Variants in MYOM3 observed in about 807,000 individuals in gnomAD.
The protein encoded by MYOM3 is myomesin-3.
In MYOM3, 155 loss-of-function variants were observed where a neutral mutation model predicts 191.7. That is an observed-to-expected ratio of 0.81 (90% confidence interval 0.71 to 0.92). MYOM3 has a LOEUF of 0.92. Among genes scored for constraint, MYOM3 ranks in the 40% least tolerant of loss-of-function variants. The pLI, the probability that MYOM3 is intolerant of heterozygous loss-of-function variation, is 0.00. For missense variants in MYOM3, 1,889 were observed against 1,890.6 expected (o/e 1.00, Z 0.02); for synonymous variants, 757 against 762.9 (o/e 0.99, Z 0.13).
chr1:24,067,341 T>TTTCC (rs1553155383), intron 27 of MYOM3, among the ~76,000 whole-genome samples: 271 of 77,886 alleles, frequency 3.5e-3, no homozygotes, highest in Middle Eastern at 0.012. Flanking sequence ...TCTTTCTTTC[T>TTTCC]TTCTTTCTTT....
chr1:24,061,579 T>C, intron 33 of MYOM3, among the ~76,000 whole-genome samples: 1 of 152,250 alleles, frequency 6.6e-6, no homozygotes, highest in Middle Eastern at 3.4e-3. Context: ...TAACCTTTAT[T>C]ATTATTCTTT....
Position 24,084,586 on chromosome 1 carries a change from CAG to C in MYOM3, c.1850_1851del (p.Ser617CysfsTer27). 1 of 1,614,050 alleles carries C rather than the reference CAG, an allele frequency of 6.2e-7. No homozygotes were observed. Among genetic ancestry groups the C allele is most frequent in the Non-Finnish European group, 8.5e-7 (1 of 1,180,016 alleles). On this transcript the variant is annotated frameshift_variant, in exon 16 of 37. Transcript: ENST00000374434. LOFTEE classifies it high-confidence loss of function. ...TTCACAGGATCCCATGTCAGGGAGA[CAG>C]AGGTCTGTGTGTCTCTGAAAGCTTG... The part of the protein sequence containing the change: ...QVQAFRDTQT[S>X]VSLTWDPVKD...
Position 24,064,174 on chromosome 1 carries a change from G to T in MYOM3, c.3535-15C>A. 1 of 1,605,530 alleles carries T rather than the reference G, an allele frequency of 6.2e-7. No homozygotes were observed. Among genetic ancestry groups the T allele is most frequent in the South Asian group, 1.1e-5 (1 of 90,784 alleles). ...TTTTTGGACAACTGGAAAGAAGGAT[G>T]AGCGATGGTGGTGTCAGCATGGGCT... On this transcript the variant is annotated splice_polypyrimidine_tract_variant and intron_variant, in intron 29 of 36. Coordinates refer to ENST00000374434, the MANE Select transcript of MYOM3 (RefSeq NM_152372.4).
chr1:24,076,318 C>A lies in MYOM3; in HGVS notation c.2587-45G>T, dbSNP rs1490991458. On this transcript the variant is annotated intron_variant, in intron 20 of 36. Transcript: ENST00000374434. ...GCCAGCACTGAGGACAGCAGTGACT[C>A]TTCCTGAAACCTGGGCCCCAGGGAG... The A allele has an allele frequency of 2.1e-6, 3 of 1,443,430 alleles. No individual in the cohort carries two copies. The South Asian group carries it at 3.4e-5, about 16-fold the overall frequency. 89.4% of individuals were successfully genotyped at this position (1,443,430 alleles called of 1,614,324 possible).
At chr1:24,071,050 C>A in intron 25 of MYOM3, 67 bp downstream of exon 25, 1 of 1,564,828 alleles carries the variant, frequency 6.4e-7, no homozygotes, top group South Asian at 1.2e-5. Context: ...CATGCGGAAT[C>A]ACCATCCCGC....
At chr1:24,100,703 T>A (rs1406323143) in intron 5 of MYOM3, among the ~76,000 whole-genome samples, 7 of 152,012 alleles carry the variant, frequency 4.6e-5, no homozygotes, top group African/African-American at 1.5e-4. Flanking sequence ...TGGCTAACAC[T>A]GTGAAACCCC....
In MYOM3 at chr1:24,068,323, C is replaced by G. The variant is rs1643479614; in HGVS notation, c.3195G>C (p.Val1065=). The G allele has an allele frequency of 1.2e-6, 2 of 1,614,026 alleles. No individual in the cohort carries two copies. The highest frequency in any genetic ancestry group is 1.6e-4 in the Middle Eastern group (1 of 6,062). Residue 1065 remains valine, a synonymous_variant, in exon 26 of 37, where the codon GTG becomes GTC. Transcript: ENST00000374434. ...CCTCCTCAGACAAGTTCTGGATGAT[C>G]ACTTCCACCAGGCCCTTCTCTCGGT... The part of the protein sequence containing the change: ...NFDREKGLVE[V]IIQNLSEEDK...
In MYOM3 at chr1:24,080,139, C is replaced by A. The variant is rs1643649349; in HGVS notation, c.2463G>T (p.Gln821His). 2 of 1,613,950 alleles carry A rather than the reference C, an allele frequency of 1.2e-6. No individual in the cohort carries two copies. The highest frequency in any genetic ancestry group is 8.5e-7 in the Non-Finnish European group (1 of 1,179,884). ...CCCCCATATACAGTGGGGGTTCCCACTGCAGCACCAGGGATGTGGCCCGCA... is the reference window on the plus strand; with the variant it reads ...CCCCCATATACAGTGGGGGTTCCCAATGCAGCACCAGGGATGTGGCCCGCA... ...SEVRATSLVLQWEPPLYMGAG... is the reference protein window; with the variant it reads ...SEVRATSLVLHWEPPLYMGAG... The change falls in exon 20 of 37, where the codon CAG (glutamine) becomes CAT (histidine). Residue 821 changes from glutamine to histidine, a missense_variant. By Grantham distance (24) the Gln-to-His change is conservative. Transcript: ENST00000374434.
At chr1:24,084,666 G>A in intron 15 of MYOM3, 27 bp from the exon 16 acceptor site, 1 of 1,588,200 alleles carries the variant, frequency 6.3e-7, no homozygotes, top group Non-Finnish European at 8.6e-7. Context: ...TGGGCTGAAT[G>A]AGAAGGCTGA....
At chr1:24,106,582 T>TTTA (rs886858697) in intron 4 of MYOM3, among the ~76,000 whole-genome samples, 1 of 152,166 alleles carries the variant, frequency 6.6e-6, no homozygotes, top group African/African-American at 2.4e-5. Context: ...TTACTTTATT[T>TTTA]TTATTATTAT....
At position 24,068,130 on chromosome 1, in the gene MYOM3, C is replaced by G. The variant is rs932004483; in HGVS notation, c.3295+93G>C. On this transcript the variant is annotated intron_variant, in intron 26 of 36. Coordinates refer to ENST00000374434, the MANE Select transcript of MYOM3 (RefSeq NM_152372.4). ...AGTCGAGGGGGCTGTGCTCAGCAGGCTGCAGAGCCGAGGACTCAGGGCTGC... is the reference window on the plus strand; with the variant it reads ...AGTCGAGGGGGCTGTGCTCAGCAGGGTGCAGAGCCGAGGACTCAGGGCTGC... 2.7e-6 allele frequency: 4 copies of G among 1,508,202 alleles called. No homozygotes were observed. The African/African-American group carries it at 4.3e-5, about 16-fold the overall frequency. The allele number at this position is 1,508,202 out of a possible 1,614,324, so 93.4% of individuals were successfully genotyped here. A position where few individuals can be genotyped will look rare whatever the true frequency, so the allele number is the denominator to read the frequency against.
intron 6 of MYOM3, 47 bp downstream of exon 6, chr1:24,099,633 G>A (rs767213058): frequency 2.1e-6 from 3 of 1,457,118 alleles, no homozygotes; most frequent in African/African-American, 1.4e-5. Flanking sequence ...TGGCCTCGGC[G>A]GTGGCAGGGT....
intron 29 of MYOM3, among the ~76,000 whole-genome samples, chr1:24,065,054 AG>A (rs1557601285): frequency 6.6e-6 from 1 of 152,212 alleles, no homozygotes; most frequent in Admixed American, 6.5e-5. Context: ...GTGGGGATCA[AG>A]GGAGGTAACT....
chr1:24,105,749 C>A (rs1643976595), intron 5 of MYOM3, among the ~76,000 whole-genome samples, 171 bp downstream of exon 5: 1 of 152,194 alleles, frequency 6.6e-6, no homozygotes, highest in Non-Finnish European at 1.5e-5. Context: ...GAGGCCCCGC[C>A]TCTAAAAAAA....
chr1:24,106,849 G>A (rs1257976943), intron 4 of MYOM3, among the ~76,000 whole-genome samples: 2 of 152,204 alleles, frequency 1.3e-5, no homozygotes, highest in South Asian at 2.1e-4. Context: ...GGTTACAGGC[G>A]TGAGCCACTG....
At position 24,111,028 on chromosome 1, in the gene MYOM3, G is replaced by T. The variant is rs1441141140; in HGVS notation, c.-19+1003C>A. ...CCTGGCGCTCGTCCCTGACCTCGGG[G>T]CCTCCAGCAACCAGACCCCTGGCTT... On this transcript the variant is annotated intron_variant, in intron 1 of 36. Coordinates refer to ENST00000374434, the MANE Select transcript of MYOM3 (RefSeq NM_152372.4). The surrounding 1 kb of genome is among the most constrained non-coding windows in gnomAD (Gnocchi z 4.7). Among the ~76,000 whole-genome samples, 4 of 152,360 alleles carry T rather than the reference G, an allele frequency of 2.6e-5. No individual in the cohort carries two copies. In the East Asian group the frequency reaches 7.7e-4, roughly 29 times the overall value.
chr1:24,076,507 C>CTTTTTTTTTTTTTTTTTTTT (rs558326490), intron 20 of MYOM3, among the ~76,000 whole-genome samples: 1 of 49,106 alleles, frequency 2.0e-5, no homozygotes, highest in African/African-American at 7.1e-5. Context: ...CCTAATGTTT[C>CTTTTTTTTTTTTTTTTTTTT]TTTTTTTTTT....
intron 15 of MYOM3, among the ~76,000 whole-genome samples, chr1:24,085,231 T>G (rs986541599): frequency 2.6e-5 from 4 of 151,676 alleles, no homozygotes; most frequent in Non-Finnish European, 5.9e-5. Context: ...GATGGATGGA[T>G]GGACAGGTGG....
chr1:24,071,266 G>T lies in MYOM3; in HGVS notation c.3014-13C>A. The T allele has an allele frequency of 6.2e-7, 1 of 1,605,500 alleles. No individual in the cohort carries two copies. Among genetic ancestry groups the T allele is most frequent in the Non-Finnish European group, 8.5e-7 (1 of 1,175,742 alleles). On this transcript the variant is annotated splice_polypyrimidine_tract_variant and intron_variant, in intron 24 of 36. Transcript: ENST00000374434. ...ATCAGTTTGATCACTGGGAGGCGCAGGACGGGAAGGGGGTGGGTTGGACCC... is the reference window on the plus strand; with the variant it reads ...ATCAGTTTGATCACTGGGAGGCGCATGACGGGAAGGGGGTGGGTTGGACCC...
Sources: gnomAD v4.1 joint callset for allele counts (sites outside exome capture counted in the v4.1 genomes callset) on GRCh38, gnomAD v4.1.1 for gene constraint, Gnocchi (gnomAD v3.1) non-coding constraint, MANE v1.5 for transcripts, NCBI Gene and HGNC (gene_info 2026-07-23, HGNC 2026-07-21) for gene names.